The following FAM76B variants were observed in gnomAD, a reference collection of about 807,000 sequenced individuals.
FAM76B encodes the protein family with sequence similarity 76 member B.
FAM76B carries 16 observed loss-of-function variants against 51.8 expected under a neutral mutation model. The observed-to-expected ratio is 0.31, with a 90% confidence interval of 0.21 to 0.47. The LOEUF is 0.47. Ranked by LOEUF, FAM76B falls within the 20% of genes least tolerant of loss-of-function variation. The probability of loss-of-function intolerance (pLI) is 1.00; values close to 1 mark genes in which losing one functional copy is unlikely to be tolerated. For missense variants in FAM76B, 342 were observed against 392.6 expected (o/e 0.87, Z 1.09); for synonymous variants, 166 against 129.5 (o/e 1.28, Z -1.91).
chr11:95,789,703 G>T lies in FAM76B; in HGVS notation c.-225C>A. ...CCCACCCAGTGACGCCGTGCCAGCC[G>T]CTCCCGCTTAGGCCCCGATAGCGGC... On this transcript the variant is annotated 5_prime_UTR_variant, in exon 1 of 10. Transcript: ENST00000358780. The T allele has an allele frequency of 2.0e-6, 1 of 498,004 alleles. No individual in the cohort carries two copies. The highest frequency in any genetic ancestry group is 3.5e-6 in the Non-Finnish European group (1 of 284,570). The allele number at this position is 498,004 out of a possible 1,614,324, so 30.8% of individuals were successfully genotyped here. A position where few individuals can be genotyped will look rare whatever the true frequency, so the allele number is the denominator to read the frequency against.
chr11:95,786,596 G>T, intron 3 of FAM76B: 1 of 183,324 alleles, frequency 5.5e-6, no homozygotes, highest in Non-Finnish European at 1.1e-5. Context: ...ATGTAGAGAA[G>T]TCTCATGAAT....
Position 95,769,302 on chromosome 11 carries a change from G to A in FAM76B, c.*2259C>T, listed in dbSNP as rs1859669882. ...AAACACTACAGAGATCCAGGACTGG[G>A]ACTGAATTACTAATTTATACAATTG... On this transcript the variant is annotated 3_prime_UTR_variant, in exon 10 of 10. Coordinates refer to ENST00000358780, the MANE Select transcript of FAM76B (RefSeq NM_144664.5). The A allele has an allele frequency of 6.6e-6, 1 of 152,124 alleles. No homozygotes were observed. Among genetic ancestry groups the A allele is most frequent in the Admixed American group, 6.6e-5 (1 of 15,160 alleles). 9.4% of individuals were successfully genotyped at this position (152,124 alleles called of 1,614,324 possible).
intron 2 of FAM76B, 144 bp downstream of exon 2, chr11:95,788,355 T>C (rs1052092827): frequency 1.1e-5 from 7 of 658,098 alleles, no homozygotes; most frequent in African/African-American, 9.2e-5. Flanking sequence ...TCTCCCACCA[T>C]GTATAAAAGG....
At chr11:95,785,976 C>T (rs1254124407) in intron 4 of FAM76B, 143 bp downstream of exon 4, 2 of 945,660 alleles carry the variant, frequency 2.1e-6, no homozygotes, top group Non-Finnish European at 3.1e-6. Context: ...AGAAAACTCA[C>T]TATTCCTGCA....
chr11:95,788,009 C>T (rs983005909), intron 2 of FAM76B, among the ~76,000 whole-genome samples: 2 of 152,202 alleles, frequency 1.3e-5, no homozygotes, highest in South Asian at 4.1e-4. Flanking sequence ...TACTGTCCAA[C>T]ATTATAATGC....
chr11:95,777,877 T>C (rs1254966935), intron 8 of FAM76B, among the ~76,000 whole-genome samples: 2 of 151,460 alleles, frequency 1.3e-5, no homozygotes, highest in African/African-American at 4.8e-5. Flanking sequence ...TCCTACTGCA[T>C]AATACATTTG....
chr11:95,783,134 T>C lies in FAM76B; in HGVS notation c.494A>G (p.Asp165Gly). ...NSSSSSLTEK[D>G]QHHPKHHHHH... ...GTGATGATGTTTTGGATGATGCTGG[T>C]CTTTCTCAGTAAGAGATGAAGAAGA... is the stretch of plus-strand genomic sequence containing the variant. Residue 165 changes from aspartate to glycine, a missense_variant, in exon 5 of 10, where the codon GAC (aspartate) becomes GGC (glycine). Transcript: ENST00000358780. The C allele has an allele frequency of 1.2e-6, 2 of 1,613,324 alleles. No individual in the cohort carries two copies. Among genetic ancestry groups the C allele is most frequent in the Non-Finnish European group, 1.7e-6 (2 of 1,179,398 alleles).
At chr11:95,777,391 C>G (rs1860058263) in intron 8 of FAM76B, among the ~76,000 whole-genome samples, 1 of 151,150 alleles carries the variant, frequency 6.6e-6, no homozygotes, top group African/African-American at 2.4e-5. Flanking sequence ...AAGATAGTAC[C>G]TCTTATGCTA....
At chr11:95,787,184 A>C (rs1332406834) in intron 3 of FAM76B, among the ~76,000 whole-genome samples, 1 of 152,232 alleles carries the variant, frequency 6.6e-6, no homozygotes, top group South Asian at 2.1e-4. Flanking sequence ...AAGTATCTAT[A>C]GAAAATGTCT....
At chr11:95,785,106 G>A (rs766750957) in intron 4 of FAM76B, among the ~76,000 whole-genome samples, 36 of 152,008 alleles carry the variant, frequency 2.4e-4, no homozygotes, top group Non-Finnish European at 4.6e-4. Flanking sequence ...CTATTCTAAG[G>A]GATAAAGACC....
intron 9 of FAM76B, 80 bp from the exon 10 acceptor site, chr11:95,771,730 ACT>A (rs1286714011): frequency 1.8e-6 from 2 of 1,091,162 alleles, no homozygotes; most frequent in Non-Finnish European, 2.7e-6. Context: ...CTTATTTAAT[ACT>A]GTTTTCATTT....
intron 9 of FAM76B, chr11:95,775,711 A>T: frequency 3.0e-6 from 1 of 328,578 alleles, no homozygotes; most frequent in Non-Finnish European, 5.5e-6. Context: ...AAAAGTTTTC[A>T]AGATTAAAGT....
chr11:95,786,336 C>T, intron 3 of FAM76B, 62 bp from the exon 4 acceptor site: 2 of 1,552,520 alleles, frequency 1.3e-6, no homozygotes, highest in Non-Finnish European at 1.7e-6. Flanking sequence ...ATAGCATATA[C>T]CCAGTGTTGT....
At chr11:95,783,607 C>T (rs1003173428) in intron 4 of FAM76B, among the ~76,000 whole-genome samples, 3 of 152,142 alleles carry the variant, frequency 2.0e-5, no homozygotes, top group African/African-American at 7.2e-5. Flanking sequence ...ATTCTTATAT[C>T]GCTGTGTCAT....
chr11:95,774,535 T>A (rs1346195682), intron 9 of FAM76B, among the ~76,000 whole-genome samples: 1 of 151,488 alleles, frequency 6.6e-6, no homozygotes, highest in African/African-American at 2.4e-5. Flanking sequence ...GTTATTCTGT[T>A]ATCTCATTCT....
At chr11:95,786,852 T>G (rs1860620622) in intron 3 of FAM76B, 1 of 152,330 alleles carries the variant, frequency 6.6e-6, no homozygotes, top group Non-Finnish European at 1.5e-5. Context: ...AGTTAGCATT[T>G]TTGACCAATA....
intron 1 of FAM76B, 81 bp downstream of exon 1, chr11:95,789,311 G>C: frequency 1.4e-6 from 2 of 1,432,744 alleles, no homozygotes; most frequent in Non-Finnish European, 1.9e-6. Context: ...GGCGAAGAGG[G>C]GCTGCAGTGC....
chr11:95,785,787 G>A (rs1218694186), intron 4 of FAM76B, among the ~76,000 whole-genome samples: 1 of 152,168 alleles, frequency 6.6e-6, no homozygotes, highest in Non-Finnish European at 1.5e-5. Flanking sequence ...TGTGCCATCA[G>A]GTATTTTTTT....
chr11:95,772,833 T>C (rs1354476493), intron 9 of FAM76B, among the ~76,000 whole-genome samples: 1 of 151,126 alleles, frequency 6.6e-6, no homozygotes, highest in Non-Finnish European at 1.5e-5. Flanking sequence ...CCAATCACTC[T>C]TGCTAATTAA....
Sources: gnomAD v4.1 joint callset for allele counts (sites outside exome capture counted in the v4.1 genomes callset) on GRCh38, gnomAD v4.1.1 for gene constraint, MANE v1.5 for transcripts, NCBI Gene and HGNC (gene_info 2026-07-23, HGNC 2026-07-21) for gene names.